Variants in C10orf90 observed in about 807,000 individuals in gnomAD.
The protein encoded by C10orf90 is chromosome 10 open reading frame 90.
In C10orf90, 56 loss-of-function variants were observed where a neutral mutation model predicts 62.5. The observed-to-expected ratio is 0.90, with a 90% CI of 0.72 to 1.12. The LOEUF is 1.12. Among genes scored for constraint, C10orf90 ranks in the 50% most tolerant of loss-of-function variants. C10orf90 has a pLI of 0.00. For missense variants in C10orf90, 970 were observed against 880.4 expected, an observed-to-expected ratio of 1.10 and a Z score of -1.29; for synonymous variants, 386 against 340.4, an observed-to-expected ratio of 1.13 and a Z score of -1.47.
chr10:126,565,586 A>C (rs1014459732), intron 2 of C10orf90, among the ~76,000 whole-genome samples: 1 of 150,716 alleles, frequency 6.6e-6, no homozygotes. Context: ...TTTCCAGTGA[A>C]ACGAGAAACT....
At chr10:126,471,107 G>A (rs538087132) in intron 4 of C10orf90, among the ~76,000 whole-genome samples, 19 of 152,302 alleles carry the variant, frequency 1.2e-4, no homozygotes, top group South Asian at 2.1e-4. Context: ...AACAGCTCCC[G>A]GCAGAGAGGA....
At chr10:126,577,871 T>C (rs1353684622) in intron 2 of C10orf90, among the ~76,000 whole-genome samples, 2 of 152,064 alleles carry the variant, frequency 1.3e-5, no homozygotes, top group African/African-American at 4.8e-5. Flanking sequence ...TGCAATACCG[T>C]AATGTAATGA....
intron 2 of C10orf90, among the ~76,000 whole-genome samples, chr10:126,616,462 T>C (rs1232815125): frequency 2.0e-5 from 3 of 152,180 alleles, no homozygotes; most frequent in Non-Finnish European, 2.9e-5. Flanking sequence ...AGAGCATTGC[T>C]ACCAAATAGC....
chr10:126,449,751 C>T (rs1477949687), intron 7 of C10orf90, among the ~76,000 whole-genome samples: 1 of 152,106 alleles, frequency 6.6e-6, no homozygotes, highest in Non-Finnish European at 1.5e-5. Context: ...GTAATCCCAG[C>T]ACTTTGGGAG....
At chr10:126,664,612 T>A (rs1359351215) in intron 1 of C10orf90, among the ~76,000 whole-genome samples, 1 of 152,236 alleles carries the variant, frequency 6.6e-6, no homozygotes, top group East Asian at 1.9e-4. Context: ...CTCCCTTAGT[T>A]TGGCTGAAAT....
At chr10:126,553,065 TA>T (rs1564868804) in intron 2 of C10orf90, among the ~76,000 whole-genome samples, 1 of 152,160 alleles carries the variant, frequency 6.6e-6, no homozygotes, top group South Asian at 2.1e-4. Context: ...AAAATGCTTC[TA>T]AAAGAAAACA....
intron 1 of C10orf90, among the ~76,000 whole-genome samples, chr10:126,661,328 T>C (rs1215669922): frequency 1.3e-5 from 2 of 152,216 alleles, no homozygotes; most frequent in African/African-American, 4.8e-5. Context: ...ATATAGGTTA[T>C]CTCTTTTAAT....
At chr10:126,508,009 A>G (rs1323836083) in intron 3 of C10orf90, among the ~76,000 whole-genome samples, 1 of 151,770 alleles carries the variant, frequency 6.6e-6, no homozygotes, top group Non-Finnish European at 1.5e-5. Context: ...CATACCCAGT[A>G]GGAACTCCTT....
intron 7 of C10orf90, among the ~76,000 whole-genome samples, chr10:126,446,709 G>A (rs189319984): frequency 6.6e-6 from 1 of 152,094 alleles, no homozygotes; most frequent in Non-Finnish European, 1.5e-5. Flanking sequence ...ACTTGTAAAA[G>A]TAAGTACACA....
At chr10:126,501,636 C>T (rs906169736) in intron 4 of C10orf90, among the ~76,000 whole-genome samples, 15 of 152,184 alleles carry the variant, frequency 9.9e-5, no homozygotes, top group African/African-American at 3.6e-4. Context: ...GAGAGTATCA[C>T]TCCTCCACAT....
chr10:126,431,560 A>G (rs534409543), intron 7 of C10orf90, among the ~76,000 whole-genome samples: 28 of 152,320 alleles, frequency 1.8e-4, no homozygotes, highest in African/African-American at 6.0e-4. Context: ...TCAAGCAAAT[A>G]TGTGACTCTT....
chr10:126,599,330 C>T (rs191470649), intron 2 of C10orf90, among the ~76,000 whole-genome samples: 3,183 of 151,814 alleles, frequency 0.021, 98 homozygotes, highest in African/African-American at 0.072. Context: ...GGACTACAGG[C>T]GCCTGCCACT....
intron 4 of C10orf90, among the ~76,000 whole-genome samples, chr10:126,468,662 GA>G (rs1860416160): frequency 6.6e-6 from 1 of 152,156 alleles, no homozygotes; most frequent in Non-Finnish European, 1.5e-5. Context: ...AGGCCTTAGG[GA>G]TAAGTTGAAG....
At chr10:126,594,026 A>T (rs1845033682) in intron 2 of C10orf90, among the ~76,000 whole-genome samples, 1 of 151,862 alleles carries the variant, frequency 6.6e-6, no homozygotes, top group South Asian at 2.1e-4. Context: ...CTGCTCATGA[A>T]GTTCTAGAGC....
At chr10:126,494,624 T>G (rs1223140434) in intron 4 of C10orf90, among the ~76,000 whole-genome samples, 1 of 152,202 alleles carries the variant, frequency 6.6e-6, no homozygotes, top group Admixed American at 6.5e-5. Flanking sequence ...CCAGCATAGT[T>G]CTGCAAGAGA....
At chr10:126,428,979 A>T (rs1276589212) in intron 8 of C10orf90, among the ~76,000 whole-genome samples, 1 of 152,158 alleles carries the variant, frequency 6.6e-6, no homozygotes, top group African/African-American at 2.4e-5. Context: ...GTAAAAGCAG[A>T]AATTGTATGC....
chr10:126,664,277 C>A (rs1266248615), intron 1 of C10orf90, among the ~76,000 whole-genome samples: 2 of 152,086 alleles, frequency 1.3e-5, no homozygotes, highest in Non-Finnish European at 2.9e-5. Flanking sequence ...GACCTGCTTA[C>A]AAAGCAGCAG....
intron 4 of C10orf90, among the ~76,000 whole-genome samples, chr10:126,477,555 C>T (rs1362530887): frequency 6.6e-6 from 1 of 152,100 alleles, no homozygotes; most frequent in Non-Finnish European, 1.5e-5. Flanking sequence ...CTTTAGGTTG[C>T]ATTTGCTTGT....
intron 2 of C10orf90, among the ~76,000 whole-genome samples, chr10:126,606,540 A>C (rs914438494): frequency 6.6e-6 from 1 of 152,190 alleles, no homozygotes; most frequent in Non-Finnish European, 1.5e-5. Flanking sequence ...ATGGAAAGTC[A>C]AAACAGTGAG....
Sources: allele counts gnomAD v4.1 joint callset (sites outside exome capture counted in the v4.1 genomes callset), GRCh38; gene constraint gnomAD v4.1.1; transcripts MANE v1.5; gene names NCBI Gene and HGNC (gene_info 2026-07-23, HGNC 2026-07-21).